The following EYA1 variants were observed in gnomAD, a reference collection of about 807,000 sequenced individuals.
EYA1 encodes the protein EYA transcriptional coactivator and phosphatase 1.
EYA1 carries 16 observed loss-of-function variants against 82.0 expected under a neutral mutation model. The observed-to-expected ratio is 0.20, with a 90% CI of 0.13 to 0.30. The LOEUF (loss-of-function observed/expected upper bound fraction) is 0.30, where lower values mean the gene tolerates loss of function less well. Among genes scored for constraint, EYA1 ranks in the 10% least tolerant of loss-of-function variants. The pLI, the probability that EYA1 is intolerant of heterozygous loss-of-function variation, is 1.00. For synonymous variants in EYA1, 261 were observed against 264.4 expected, an observed-to-expected ratio of 0.99 and a Z score of 0.12; for missense variants, 633 against 730.7, an observed-to-expected ratio of 0.87 and a Z score of 1.54.
chr8:71,401,581 G>T (rs1032786895), intron 2 of EYA1, among the ~76,000 whole-genome samples: 1 of 152,214 alleles, frequency 6.6e-6, no homozygotes, highest in Non-Finnish European at 1.5e-5. Flanking sequence ...TGGCATAGTG[G>T]TTAAGAGTAG....
intron 2 of EYA1, among the ~76,000 whole-genome samples, chr8:71,457,826 A>G (rs35200339): frequency 0.17 from 26,607 of 152,170 alleles, 2,542 homozygotes; most frequent in Non-Finnish European, 0.21. Context: ...TGGCACATGT[A>G]TACATATGTA....
chr8:71,289,013 T>C (rs1818711283), intron 9 of EYA1, among the ~76,000 whole-genome samples: 1 of 152,204 alleles, frequency 6.6e-6, no homozygotes, highest in Non-Finnish European at 1.5e-5. Flanking sequence ...TTTTCCTTGA[T>C]AGAATCGTCA....
intron 2 of EYA1, among the ~76,000 whole-genome samples, chr8:71,406,433 A>G (rs894005324): frequency 7.2e-5 from 11 of 152,220 alleles, no homozygotes; most frequent in Admixed American, 1.3e-4. Flanking sequence ...CGCAGAAGAC[A>G]GGTGATTTCT....
chr8:71,201,723 C>A (rs1251519123), intron 17 of EYA1, among the ~76,000 whole-genome samples: 1 of 152,090 alleles, frequency 6.6e-6, no homozygotes. Context: ...CATTTTACTA[C>A]TTAATCTCAA....
At chr8:71,343,402 T>C (rs918072731) in intron 3 of EYA1, among the ~76,000 whole-genome samples, 11 of 152,170 alleles carry the variant, frequency 7.2e-5, no homozygotes, top group African/African-American at 2.7e-4. Context: ...AAAAGGTAAT[T>C]GGATCACAAG....
intron 2 of EYA1, among the ~76,000 whole-genome samples, chr8:71,452,220 G>A (rs1209161751): frequency 6.6e-6 from 1 of 152,224 alleles, no homozygotes; most frequent in African/African-American, 2.4e-5. Flanking sequence ...CAAGGCTGGG[G>A]AAGGGGCGCC....
chr8:71,505,575 C>T (rs1299276008), intron 2 of EYA1, among the ~76,000 whole-genome samples: 2 of 152,150 alleles, frequency 1.3e-5, no homozygotes, highest in African/African-American at 4.8e-5. Context: ...GTTAGGGATG[C>T]TTTTACAGCA....
intron 12 of EYA1, among the ~76,000 whole-genome samples, chr8:71,224,934 G>A (rs1585862545): frequency 6.6e-6 from 1 of 152,222 alleles, no homozygotes; most frequent in Non-Finnish European, 1.5e-5. Context: ...TCTACAGAGG[G>A]AGAGGAGTAG....
At chr8:71,377,781 T>G (rs1231802402) in intron 2 of EYA1, among the ~76,000 whole-genome samples, 2 of 152,190 alleles carry the variant, frequency 1.3e-5, no homozygotes, top group Non-Finnish European at 2.9e-5. Context: ...CCATTCTACT[T>G]TCTGTCTTTG....
intron 2 of EYA1, among the ~76,000 whole-genome samples, chr8:71,425,571 G>A (rs1045710528): frequency 1.3e-5 from 2 of 151,956 alleles, no homozygotes; most frequent in African/African-American, 4.8e-5. Context: ...AACCATAAGG[G>A]GGGAAATTTC....
At chr8:71,384,443 G>A (rs988090910) in intron 2 of EYA1, among the ~76,000 whole-genome samples, 2 of 152,072 alleles carry the variant, frequency 1.3e-5, no homozygotes, top group African/African-American at 4.8e-5. Flanking sequence ...GACCAGTGCA[G>A]GCCAGGCTGG....
At chr8:71,235,722 G>T (rs973590872) in intron 12 of EYA1, among the ~76,000 whole-genome samples, 1 of 152,058 alleles carries the variant, frequency 6.6e-6, no homozygotes, top group Non-Finnish European at 1.5e-5. Context: ...GTACTTAATG[G>T]TTATTCAATA....
intron 2 of EYA1, among the ~76,000 whole-genome samples, chr8:71,506,196 G>A (rs1446488012): frequency 1.3e-5 from 2 of 152,140 alleles, no homozygotes; most frequent in Non-Finnish European, 2.9e-5. Context: ...CAAAGAAGAG[G>A]CACCTTCATT....
chr8:71,225,336 C>T (rs2128872244), intron 12 of EYA1: 1 of 456,062 alleles, frequency 2.2e-6, no homozygotes, highest in Non-Finnish European at 4.4e-6. Context: ...TGGTTTGTAG[C>T]CTCTCCACAC....
intron 3 of EYA1, among the ~76,000 whole-genome samples, chr8:71,353,393 ATTTAAG>A (rs1826503657): frequency 6.6e-6 from 1 of 152,230 alleles, no homozygotes; most frequent in South Asian, 2.1e-4. Flanking sequence ...CCTATAAATA[ATTTAAG>A]TTTCTCTCTG....
At chr8:71,520,576 C>A (rs1249026034) in intron 2 of EYA1, among the ~76,000 whole-genome samples, 1 of 152,076 alleles carries the variant, frequency 6.6e-6, no homozygotes, top group Non-Finnish European at 1.5e-5. Context: ...ACGTCTAATC[C>A]ACTTTAGGAG....
In EYA1 at chr8:71,220,605, C is replaced by T. The variant is rs533074036; in HGVS notation, c.1141-3582G>A. Among the ~76,000 whole-genome samples, 23 of 152,246 alleles carry T rather than the reference C, an allele frequency of 1.5e-4. No individual in the cohort carries two copies. In the South Asian group the frequency reaches 3.3e-3, roughly 22 times the overall value. ...AGTGTTTCAGATGCTAATGATACAG[C>T]GCTTAATACAACAGACAAAAGTCCT... On this transcript the variant is annotated intron_variant, in intron 12 of 17. Coordinates refer to ENST00000340726, the MANE Select transcript of EYA1 (RefSeq NM_000503.6).
At chr8:71,245,683 A>G (rs886571754) in intron 11 of EYA1, among the ~76,000 whole-genome samples, 6 of 152,166 alleles carry the variant, frequency 3.9e-5, no homozygotes, top group Admixed American at 3.3e-4. Context: ...AGGGTAGTAC[A>G]TAGTAATTTT....
At chr8:71,212,569 A>ACTAT (rs1484724250) in intron 16 of EYA1, among the ~76,000 whole-genome samples, 1 of 152,234 alleles carries the variant, frequency 6.6e-6, no homozygotes, top group Non-Finnish European at 1.5e-5. Context: ...TTGCCTATAT[A>ACTAT]CTATCTATCT....
Sources: allele counts gnomAD v4.1 joint callset (sites outside exome capture counted in the v4.1 genomes callset), GRCh38; gene constraint gnomAD v4.1.1; transcripts MANE v1.5; gene names NCBI Gene and HGNC (gene_info 2026-07-23, HGNC 2026-07-21).